Variants in EFHB observed in about 807,000 individuals in gnomAD.
EFHB encodes the protein EF-hand domain-containing family member B.
A neutral mutation model predicts 87.2 loss-of-function variants in EFHB; 91 were observed. That is an observed-to-expected ratio of 1.04 (90% confidence interval 0.88 to 1.24). The LOEUF is 1.24. Ranked by LOEUF, EFHB falls within the 50% of genes most tolerant of loss-of-function variation. The pLI, the probability that EFHB is intolerant of heterozygous loss-of-function variation, is 0.00. For synonymous variants in EFHB, 325 were observed against 333.6 expected (o/e 0.97, Z 0.28); for missense variants, 1,084 against 998.8 (o/e 1.09, Z -1.15).
At chr3:19,941,027 AT>A in intron 1 of EFHB, 1 of 328,742 alleles carries the variant, frequency 3.0e-6, no homozygotes. Flanking sequence ...GCATTTTCAG[AT>A]TTGTTGCCAG....
chr3:19,934,024 A>G lies in EFHB; in HGVS notation c.-6T>C. ...TGTCCAATCTCCATGTTCATGGACG[A>G]TTTCTCCCCATTCTCATTTCTCCAA... is the stretch of plus-strand genomic sequence containing the variant. On this transcript the variant is annotated 5_prime_UTR_variant, in exon 1 of 13. Transcript: ENST00000295824. The G allele has an allele frequency of 6.3e-7, 1 of 1,584,906 alleles. No individual in the cohort carries two copies. Among genetic ancestry groups the G allele is most frequent in the Non-Finnish European group, 8.6e-7 (1 of 1,164,812 alleles).
chr3:19,904,813 G>A (rs2125135144), intron 6 of EFHB, among the ~76,000 whole-genome samples: 1 of 152,206 alleles, frequency 6.6e-6, no homozygotes, highest in East Asian at 1.9e-4. Flanking sequence ...TTTTGTGGAG[G>A]GCGGGGCGGC....
At chr3:19,901,576 G>C (rs1694672517) in intron 6 of EFHB, among the ~76,000 whole-genome samples, 1 of 152,108 alleles carries the variant, frequency 6.6e-6, no homozygotes, top group African/African-American at 2.4e-5. Flanking sequence ...TGTTGGCGGG[G>C]GGGAAGAATG....
intron 9 of EFHB, among the ~76,000 whole-genome samples, chr3:19,895,212 T>C (rs2125127210): frequency 6.6e-6 from 1 of 151,882 alleles, no homozygotes; most frequent in Non-Finnish European, 1.5e-5. Flanking sequence ...CCAGGCGCGG[T>C]GGCTCAAGCC....
At chr3:19,924,448 G>C (rs1177615237) in intron 1 of EFHB, among the ~76,000 whole-genome samples, 2 of 151,990 alleles carry the variant, frequency 1.3e-5, no homozygotes, top group Admixed American at 1.3e-4. Flanking sequence ...TCCTGACCTC[G>C]TGATCCTCCC....
At position 19,933,937 on chromosome 3, in the gene EFHB, T is replaced by C. The variant is rs1484322807; in HGVS notation, c.82A>G (p.Met28Val). ...KRVIMGTKFP[M>V]ELGIRVGLGK... ...AATCCTACTCTGATCCCCAACTCCA[T>C]GGGAAATTTTGTTCCCATGATGACC... is the stretch of plus-strand genomic sequence containing the variant. Residue 28 changes from methionine to valine, a missense_variant, in exon 1 of 13, where the codon ATG (methionine) becomes GTG (valine). Met to Val is a conservative substitution (Grantham distance 21). Coordinates refer to ENST00000295824, the MANE Select transcript of EFHB (RefSeq NM_144715.4). 7.4e-6 allele frequency: 12 copies of C among 1,613,808 alleles called. No individual in the cohort carries two copies. The East Asian group carries it at 1.1e-4, about 15-fold the overall frequency.
Position 19,933,458 on chromosome 3 carries a change from C to T in EFHB, c.561G>A (p.Lys187=), listed in dbSNP as rs1055256022. ...CVLMKPNTEI[K]LPVEVDIGLT... ...GTCCAATGTCCACCTCCACAGGAAG[C>T]TTAATCTCTGTGTTGGGTTTCATTA... The change falls in exon 1 of 13, where the codon AAG becomes AAA. Residue 187 remains lysine (K), a synonymous_variant. Coordinates refer to ENST00000295824, the MANE Select transcript of EFHB (RefSeq NM_144715.4). 2.0e-5 allele frequency: 32 copies of T among 1,613,902 alleles called. No individual in the cohort carries two copies. Among genetic ancestry groups the T allele is most frequent in the Non-Finnish European group, 2.6e-5 (31 of 1,179,902 alleles).
chr3:19,912,653 C>T (rs1330915530), intron 5 of EFHB, among the ~76,000 whole-genome samples: 1 of 152,034 alleles, frequency 6.6e-6, no homozygotes, highest in Non-Finnish European at 1.5e-5. Flanking sequence ...ATAGTAACTA[C>T]AACAACTTTT....
At chr3:19,886,668 C>G (rs151284546) in intron 10 of EFHB, among the ~76,000 whole-genome samples, 46 of 79,528 alleles carry the variant, frequency 5.8e-4, no homozygotes, top group Admixed American at 1.7e-3. Flanking sequence ...CAGAGTGAGA[C>G]ACTGTCTCAA....
At chr3:19,888,895 T>C (rs968709316) in intron 9 of EFHB, among the ~76,000 whole-genome samples, 3 of 152,230 alleles carry the variant, frequency 2.0e-5, no homozygotes, top group African/African-American at 7.2e-5. Flanking sequence ...ACAATTTTTA[T>C]CCTTACAAAG....
chr3:19,903,069 C>T (rs887233931), intron 6 of EFHB, among the ~76,000 whole-genome samples: 20 of 151,540 alleles, frequency 1.3e-4, no homozygotes, highest in African/African-American at 3.9e-4. Context: ...TCCTGCTACT[C>T]GGGAGGCTGA....
chr3:19,920,371 C>A, intron 2 of EFHB, 134 bp downstream of exon 2: 1 of 750,110 alleles, frequency 1.3e-6, no homozygotes, highest in Non-Finnish European at 2.1e-6. Context: ...TAGAAGGCCT[C>A]AAAATACAGC....
chr3:19,923,220 T>C (rs570447278), intron 1 of EFHB, among the ~76,000 whole-genome samples: 1 of 151,888 alleles, frequency 6.6e-6, no homozygotes, highest in East Asian at 1.9e-4. Flanking sequence ...TGAGCCGAGA[T>C]TGCGCCACTG....
rs79915449 is a variant in EFHB at position 19,919,971 on chromosome 3, A to C, written c.858T>G (p.Ile286Met). Reference protein sequence around the residue: ...TCLTEKLPRLITPPEAKKYFN... With the variant: ...TCLTEKLPRLMTPPEAKKYFN... ...AATACTTTTTTGCTTCAGGTGGAGTAATTAGCTACAAAGAGTGAGGCAAGA... is the reference window on the plus strand; with the variant it reads ...AATACTTTTTTGCTTCAGGTGGAGTCATTAGCTACAAAGAGTGAGGCAAGA... The change falls in exon 3 of 13, where the codon ATT becomes ATG. Residue 286 changes from isoleucine to methionine, a missense_variant. Ile to Met is a conservative substitution (Grantham distance 10). Coordinates refer to ENST00000295824, the MANE Select transcript of EFHB (RefSeq NM_144715.4). 1.2e-4 allele frequency: 201 copies of C among 1,613,690 alleles called. 1 individual carries two copies. The East Asian group carries it at 4.4e-3, about 35-fold the overall frequency.
chr3:19,939,798 A>G (rs938040569), intron 1 of EFHB, among the ~76,000 whole-genome samples: 1 of 152,192 alleles, frequency 6.6e-6, no homozygotes, highest in African/African-American at 2.4e-5. Flanking sequence ...ATGCTCCTTG[A>G]AGAGCAAGCC....
chr3:19,921,308 A>C (rs778036576), intron 1 of EFHB, among the ~76,000 whole-genome samples: 22 of 152,070 alleles, frequency 1.4e-4, no homozygotes, highest in Non-Finnish European at 2.6e-4. Context: ...GAGAGTCTTT[A>C]GGGTTTAAGA....
At chr3:19,920,615 C>A in intron 1 of EFHB, 48 bp from the exon 2 acceptor site, 1 of 1,445,888 alleles carries the variant, frequency 6.9e-7, no homozygotes, top group Non-Finnish European at 9.5e-7. Context: ...GGAAGAGGAG[C>A]ATTTTGAAGA....
chr3:19,909,453 C>A (rs989816049), intron 5 of EFHB, among the ~76,000 whole-genome samples: 2 of 152,214 alleles, frequency 1.3e-5, no homozygotes, highest in African/African-American at 2.4e-5. Flanking sequence ...CTACAGCACT[C>A]TGTGTCTCCA....
intron 6 of EFHB, among the ~76,000 whole-genome samples, chr3:19,900,428 C>A (rs1460933897): frequency 6.6e-6 from 1 of 151,650 alleles, no homozygotes; most frequent in Non-Finnish European, 1.5e-5. Flanking sequence ...AGTAAACAAG[C>A]AAATATATAT....
Sources: gnomAD v4.1 joint callset for allele counts (sites outside exome capture counted in the v4.1 genomes callset) on GRCh38, gnomAD v4.1.1 for gene constraint, MANE v1.5 for transcripts, NCBI Gene and HGNC (gene_info 2026-07-23, HGNC 2026-07-21) for gene names.